ZNF569: variants seen among roughly 807,000 people sequenced by gnomAD.
ZNF569 encodes DNA-binding protein.
A neutral mutation model predicts 56.3 loss-of-function variants in ZNF569; 38 were observed. The ratio of observed to expected loss-of-function variants is 0.68; its 90% CI spans 0.52 to 0.88. The LOEUF is 0.88. ZNF569 is among the 40% of genes least tolerant of loss of function. The pLI, the probability that ZNF569 is intolerant of heterozygous loss-of-function variation, is 0.00. For synonymous variants in ZNF569, 241 were observed against 262.9 expected, an observed-to-expected ratio of 0.92 and a Z score of 0.81; for missense variants, 666 against 809.2, an observed-to-expected ratio of 0.82 and a Z score of 2.15.
intron 2 of ZNF569, among the ~76,000 whole-genome samples, chr19:37,455,349 T>TAAATGTTATATTCATAAC (rs919345059): frequency 6.6e-6 from 1 of 152,156 alleles, no homozygotes; most frequent in East Asian, 1.9e-4. Flanking sequence ...ATTCACAAAC[T>TAAATGTTATATTCATAAC]AAATGTTATA....
At position 37,467,301 on chromosome 19, in the gene ZNF569, G is replaced by C. The variant is rs902153298; in HGVS notation, c.-422C>G. ...CACTGTTTGCGCGTCCTGAGAAGCA[G>C]ACCACGGTGTTCCAGGGCTCACAGC... On this transcript the variant is annotated 5_prime_UTR_variant, in exon 1 of 6. Transcript: ENST00000316950. 8.5e-5 allele frequency: 13 copies of C among 152,744 alleles called. No homozygotes were observed. Among genetic ancestry groups the C allele is most frequent in the African/African-American group, 3.1e-4 (13 of 41,454 alleles). The allele number at this position is 152,744 out of a possible 1,614,324, so 9.5% of individuals were successfully genotyped here. A position where few individuals can be genotyped will look rare whatever the true frequency, so the allele number is the denominator to read the frequency against.
chr19:37,443,390 C>T (rs1290730990), intron 3 of ZNF569, among the ~76,000 whole-genome samples: 1 of 152,058 alleles, frequency 6.6e-6, no homozygotes, highest in Non-Finnish European at 1.5e-5. Flanking sequence ...AGGTATATCT[C>T]AGAAGAGCAA....
intron 2 of ZNF569, chr19:37,455,072 C>T (rs1299189649): frequency 2.1e-6 from 1 of 485,366 alleles, no homozygotes; most frequent in Admixed American, 3.8e-5. Flanking sequence ...CTGTTTACAT[C>T]CCTAAGGAGA....
chr19:37,468,037 C>A, upstream of ZNF569: 1 of 1,012,412 alleles, frequency 9.9e-7, no homozygotes, highest in Non-Finnish European at 1.5e-6. Flanking sequence ...TGTGTCATCT[C>A]AGACTAGGTA....
intron 5 of ZNF569, among the ~76,000 whole-genome samples, chr19:37,415,058 TA>T (rs1349245805): frequency 6.6e-6 from 1 of 152,082 alleles, no homozygotes; most frequent in African/African-American, 2.4e-5. Context: ...AAACATATAT[TA>T]ATACCAAAAC....
intron 3 of ZNF569, among the ~76,000 whole-genome samples, chr19:37,436,536 TAAAA>T (rs1344775234): frequency 6.6e-6 from 1 of 150,994 alleles, no homozygotes; most frequent in Admixed American, 6.6e-5. Flanking sequence ...ATTAACAAAA[TAAAA>T]AAATCAGTTT....
At chr19:37,429,335 A>G (rs2891699) in intron 3 of ZNF569, among the ~76,000 whole-genome samples, 41,355 of 152,166 alleles carry the variant, frequency 0.27, 7,038 homozygotes, top group African/African-American at 0.47. Context: ...TTGAGATAAT[A>G]AGGCAGAAGC....
chr19:37,452,833 C>A (rs532877908), intron 2 of ZNF569, among the ~76,000 whole-genome samples: 1 of 152,032 alleles, frequency 6.6e-6, no homozygotes. Context: ...CTTCCTGAAT[C>A]TGGATGTTCG....
At chr19:37,427,273 C>T (rs2041150250) in intron 3 of ZNF569, among the ~76,000 whole-genome samples, 1 of 151,708 alleles carries the variant, frequency 6.6e-6, no homozygotes, top group Non-Finnish European at 1.5e-5. Flanking sequence ...GTCGTGATTG[C>T]ACCACTACAC....
In ZNF569 at chr19:37,440,093, C is replaced by T. The variant is rs2041379521; in HGVS notation, c.15+4814G>A. 3.3e-5 allele frequency among the ~76,000 whole-genome samples: 5 copies of T among 152,156 alleles called. No individual in the cohort carries two copies. In the South Asian group the frequency reaches 1.0e-3, roughly 32 times the overall value. ...AAGGATAAATGCTTGGATAGATACC[C>T]TATTTACCCTGATGTGATTATTACT... On this transcript the variant is annotated intron_variant, in intron 3 of 5. Coordinates refer to ENST00000316950, the MANE Select transcript of ZNF569 (RefSeq NM_152484.3).
intron 2 of ZNF569, among the ~76,000 whole-genome samples, chr19:37,459,780 C>T (rs1188304495): frequency 6.6e-6 from 1 of 152,058 alleles, no homozygotes; most frequent in African/African-American, 2.4e-5. Flanking sequence ...AAATGAATGA[C>T]AGGGACATCA....
intron 3 of ZNF569, among the ~76,000 whole-genome samples, chr19:37,440,796 T>G (rs2146930573): frequency 6.6e-6 from 1 of 152,314 alleles, no homozygotes; most frequent in South Asian, 2.1e-4. Flanking sequence ...TTTCATTTTC[T>G]TAGGTACTCT....
At chr19:37,455,689 C>T (rs1045111916) in intron 2 of ZNF569, among the ~76,000 whole-genome samples, 5 of 152,110 alleles carry the variant, frequency 3.3e-5, no homozygotes, top group African/African-American at 1.2e-4. Context: ...TCTCCCCCAC[C>T]CCCAACTCTT....
At chr19:37,415,687 A>G (rs765391201) in intron 5 of ZNF569, among the ~76,000 whole-genome samples, 22 of 150,304 alleles carry the variant, frequency 1.5e-4, no homozygotes, top group South Asian at 1.3e-3. Context: ...TGGCTAACAC[A>G]GTGAAACCCC....
rs150279273 is a variant in ZNF569, at chr19:37,464,438, C to G, written c.-44+875G>C. Among the ~76,000 whole-genome samples the G allele has an allele frequency of 6.9e-3, 1,050 of 152,292 alleles. 25 individuals carry two copies. Among genetic ancestry groups the G allele is most frequent in the East Asian group, 0.053 (274 of 5,178 alleles). ...TCTCCTGACCTCGTGATCCGCCCAC[C>G]TTGGCCTCCCAAACTGCTGGGATTC... On this transcript the variant is annotated intron_variant, in intron 2 of 5. Coordinates refer to ENST00000316950, the MANE Select transcript of ZNF569 (RefSeq NM_152484.3).
intron 2 of ZNF569, among the ~76,000 whole-genome samples, chr19:37,460,903 A>G (rs1213027602): frequency 6.6e-6 from 1 of 152,172 alleles, no homozygotes; most frequent in African/African-American, 2.4e-5. Flanking sequence ...ACCCAAGCAA[A>G]CACTTAACAA....
intron 1 of ZNF569, among the ~76,000 whole-genome samples, chr19:37,465,937 G>A (rs2041824646): frequency 1.3e-5 from 2 of 152,178 alleles, no homozygotes; most frequent in Non-Finnish European, 2.9e-5. Context: ...TAAAATGAAT[G>A]CATAATTTGT....
chr19:37,446,393 C>CA (rs915714370), intron 2 of ZNF569, among the ~76,000 whole-genome samples: 2 of 151,504 alleles, frequency 1.3e-5, no homozygotes, highest in Non-Finnish European at 2.9e-5. Context: ...ACTAAAAATA[C>CA]AAAAAAATTA....
At chr19:37,441,491 C>G (rs1486944842) in intron 3 of ZNF569, among the ~76,000 whole-genome samples, 4 of 152,024 alleles carry the variant, frequency 2.6e-5, no homozygotes, top group Non-Finnish European at 5.9e-5. Flanking sequence ...GACCTTGTCT[C>G]TACAAATTGT....
Sources: allele counts gnomAD v4.1 joint callset (sites outside exome capture counted in the v4.1 genomes callset), GRCh38; gene constraint gnomAD v4.1.1; transcripts MANE v1.5; gene names NCBI Gene and HGNC (gene_info 2026-07-23, HGNC 2026-07-21).